Variants in SEMA6A observed in about 807,000 individuals in gnomAD.
The protein encoded by SEMA6A is semaphorin 6A, also known as semaphorin-6A.
SEMA6A carries 25 observed loss-of-function variants against 96.8 expected under a neutral mutation model. The observed-to-expected ratio is 0.26, with a 90% CI of 0.19 to 0.36. The LOEUF (loss-of-function observed/expected upper bound fraction) is 0.36. SEMA6A is among the 10% of genes least tolerant of loss of function. The pLI, the probability that SEMA6A is intolerant of heterozygous loss-of-function variation, is 1.00. For synonymous variants in SEMA6A, 612 were observed against 518.0 expected (o/e 1.18, Z -2.46); for missense variants, 1,363 against 1,323.1 (o/e 1.03, Z -0.47).
intron 18 of SEMA6A, among the ~76,000 whole-genome samples, chr5:116,451,398 G>A (rs191481440): frequency 2.0e-5 from 3 of 152,116 alleles, no homozygotes; most frequent in Non-Finnish European, 1.5e-5. Context: ...TCCAAACTTC[G>A]TGCCTTCTAA....
intron 3 of SEMA6A, among the ~76,000 whole-genome samples, chr5:116,497,656 C>T (rs996833875): frequency 1.3e-5 from 2 of 152,190 alleles, no homozygotes; most frequent in Non-Finnish European, 2.9e-5. Flanking sequence ...ACTATAGCAT[C>T]TGCATATATG....
At chr5:116,495,587 G>GCA in intron 5 of SEMA6A, 73 bp from the exon 6 acceptor site, 3 of 1,120,290 alleles carry the variant, frequency 2.7e-6, no homozygotes, top group Non-Finnish European at 3.9e-6. Flanking sequence ...GTATGCCATG[G>GCA]TTGGCTGACA....
rs967259432 is a variant in SEMA6A at position 116,447,482 on chromosome 5, G to A, written c.2224C>T (p.Leu742Phe). The A allele has an allele frequency of 1.2e-6, 2 of 1,614,090 alleles. No individual in the cohort carries two copies. Among genetic ancestry groups the A allele is most frequent in the Non-Finnish European group, 8.5e-7 (1 of 1,179,904 alleles). Residue 742 changes from leucine to phenylalanine, a missense_variant, in exon 19 of 19, where the codon CTC becomes TTC. Transcript: ENST00000343348. ...AGGTGGTGCTGGTCTGCTTTAATGA[G>A]CATCTTGGCCGTGTTGCCGGGAGTG... is the stretch of plus-strand genomic sequence containing the variant. ...LATPGNTAKM[L>F]IKADQHHLDL... is the part of the protein sequence containing the mutation.
At chr5:116,485,653 T>G (rs1757013977) in intron 10 of SEMA6A, among the ~76,000 whole-genome samples, 1 of 152,216 alleles carries the variant, frequency 6.6e-6, no homozygotes, top group African/African-American at 2.4e-5. Context: ...TCCTTTAGTT[T>G]TATCATTTTG....
At chr5:116,523,837 G>A (rs1361808251) in intron 1 of SEMA6A, among the ~76,000 whole-genome samples, 1 of 152,122 alleles carries the variant, frequency 6.6e-6, no homozygotes, top group African/African-American at 2.4e-5. Flanking sequence ...AAATATCGGA[G>A]CCGCTGATAC....
At chr5:116,519,940 A>G (rs1758857040) in intron 1 of SEMA6A, among the ~76,000 whole-genome samples, 1 of 152,120 alleles carries the variant, frequency 6.6e-6, no homozygotes, top group Non-Finnish European at 1.5e-5. Context: ...CCACACAGCA[A>G]TCAATGGTCT....
intron 1 of SEMA6A, among the ~76,000 whole-genome samples, chr5:116,525,936 G>A (rs154576): frequency 0.66 from 101,096 of 152,102 alleles, 35,999 homozygotes; most frequent in East Asian, 0.99. Flanking sequence ...AGGCTGGCTG[G>A]AGGAAGCAGC....
chr5:116,504,416 G>A (rs550737246), intron 2 of SEMA6A, among the ~76,000 whole-genome samples: 2 of 152,110 alleles, frequency 1.3e-5, no homozygotes, highest in South Asian at 2.1e-4. Context: ...TAACTTCTAA[G>A]TCCAAAAAAA....
chr5:116,474,424 C>T (rs1179942829), intron 16 of SEMA6A, among the ~76,000 whole-genome samples: 2 of 152,110 alleles, frequency 1.3e-5, no homozygotes, highest in East Asian at 3.9e-4. Context: ...ACGTAACATA[C>T]ATCTTTTAGT....
chr5:116,477,091 T>C (rs893028218), intron 15 of SEMA6A, among the ~76,000 whole-genome samples: 1 of 152,222 alleles, frequency 6.6e-6, no homozygotes, highest in East Asian at 1.9e-4. Flanking sequence ...GAAAGATCTG[T>C]GCTGTCTAAC....
In SEMA6A at chr5:116,521,574, G is replaced by C. The variant is rs1056907573; in HGVS notation, c.-38-16592C>G. 4.3e-4 allele frequency among the ~76,000 whole-genome samples: 66 copies of C among 152,202 alleles called. 1 individual carries two copies. Among genetic ancestry groups the C allele is most frequent in the Non-Finnish European group, 8.8e-5 (6 of 68,042 alleles). On this transcript the variant is annotated intron_variant, in intron 1 of 18. Transcript: ENST00000343348. ...TCATCCTTCAACACATGTGTGTTTA[G>C]AATAGAAAGCACTGCAGCTCTTCTT...
chr5:116,494,010 G>T (rs1254508438), intron 6 of SEMA6A, among the ~76,000 whole-genome samples: 1 of 152,078 alleles, frequency 6.6e-6, no homozygotes, highest in Non-Finnish European at 1.5e-5. Context: ...ATTGGTGGCA[G>T]CCCCATCCAT....
At position 116,492,449 on chromosome 5, in the gene SEMA6A, A is replaced by G. The variant is rs181297589; in HGVS notation, c.445-619T>C. ...CCAAGAAGTGAAAACTAACCCTTGA[A>G]GCAGTCATCAAATCTTAGACTTCAC... On this transcript the variant is annotated intron_variant, in intron 6 of 18. Transcript: ENST00000343348. The G allele has an allele frequency of 3.9e-5, 6 of 152,398 alleles. No homozygotes were observed. In the East Asian group the frequency reaches 1.2e-3, roughly 29 times the overall value. The allele number at this position is 152,398 out of a possible 1,614,324, so 9.4% of individuals were successfully genotyped here. A position where few individuals can be genotyped will look rare whatever the true frequency, so the allele number is the denominator to read the frequency against.
At chr5:116,505,391 T>A (rs2112776647) in intron 1 of SEMA6A, among the ~76,000 whole-genome samples, 1 of 151,962 alleles carries the variant, frequency 6.6e-6, no homozygotes, top group South Asian at 2.1e-4. Context: ...ATACCTGCCA[T>A]ACTGACCTAA....
chr5:116,497,291 C>A (rs763063387), intron 4 of SEMA6A, 36 bp downstream of exon 4: 2 of 1,293,344 alleles, frequency 1.5e-6, no homozygotes, highest in East Asian at 4.7e-5. Context: ...ATCCAAAGGT[C>A]CTTCATTTTA....
intron 15 of SEMA6A, among the ~76,000 whole-genome samples, chr5:116,476,878 A>G (rs571920349): frequency 1.6e-4 from 24 of 152,302 alleles, no homozygotes; most frequent in East Asian, 3.9e-4. Flanking sequence ...GCATTAGTCA[A>G]ATTTCTAGGT....
rs904380360 is a variant in SEMA6A, at chr5:116,504,766, T to C, written c.100+79A>G. 60 of 1,135,442 alleles carry C rather than the reference T, an allele frequency of 5.3e-5. No individual in the cohort carries two copies. In the Admixed American group the frequency reaches 5.5e-4, roughly 10 times the overall value. The allele number at this position is 1,135,442 out of a possible 1,614,324, so 70.3% of individuals were successfully genotyped here. A position where few individuals can be genotyped will look rare whatever the true frequency, so the allele number is the denominator to read the frequency against. On this transcript the variant is annotated intron_variant, in intron 2 of 18. Transcript: ENST00000343348. ...TAAGTCACCTATTCTATTTCATTTT[T>C]CAGTTTTATTTTTTGCTAGGCTGAT... is the stretch of plus-strand genomic sequence containing the variant.
intron 1 of SEMA6A, among the ~76,000 whole-genome samples, chr5:116,518,088 G>A (rs1372626514): frequency 6.6e-6 from 1 of 152,142 alleles, no homozygotes; most frequent in African/African-American, 2.4e-5. Context: ...AATAACCCCA[G>A]AAGTTTAGGA....
At chr5:116,515,867 C>T (rs1284972819) in intron 1 of SEMA6A, among the ~76,000 whole-genome samples, 1 of 152,176 alleles carries the variant, frequency 6.6e-6, no homozygotes, top group Non-Finnish European at 1.5e-5. Context: ...ACCTGCAAGT[C>T]GCTCCGTTGA....
Sources: allele counts gnomAD v4.1 joint callset (sites outside exome capture counted in the v4.1 genomes callset), GRCh38; gene constraint gnomAD v4.1.1; transcripts MANE v1.5; gene names NCBI Gene and HGNC (gene_info 2026-07-23, HGNC 2026-07-21).